The following APOBEC3D variants were observed in gnomAD, a reference collection of about 807,000 sequenced individuals.
APOBEC3D encodes the protein apolipoprotein B mRNA editing enzyme catalytic subunit 3D.
APOBEC3D carries 37 observed loss-of-function variants against 45.6 expected under a neutral mutation model. That is an observed-to-expected ratio of 0.81 (90% CI 0.62 to 1.07). APOBEC3D has a LOEUF of 1.07. APOBEC3D is among the 50% of genes least tolerant of loss of function. The probability of loss-of-function intolerance (pLI) is 0.00; values close to 1 mark genes in which losing one functional copy is unlikely to be tolerated. For missense variants in APOBEC3D, 496 were observed against 495.3 expected (o/e 1.00, Z -0.01); for synonymous variants, 175 against 180.7 (o/e 0.97, Z 0.25).
At chr22:39,029,253 C>T in intron 4 of APOBEC3D, 110 bp from the exon 5 acceptor site, 1 of 1,238,870 alleles carries the variant, frequency 8.1e-7, no homozygotes, top group South Asian at 1.4e-5. Context: ...ATTCCCAGGG[C>T]TGTGGAGGGA....
At chr22:39,029,252 G>A (rs1159701236) in intron 4 of APOBEC3D, 111 bp from the exon 5 acceptor site, 5 of 1,232,158 alleles carry the variant, frequency 4.1e-6, no homozygotes, top group East Asian at 2.3e-5. Flanking sequence ...CATTCCCAGG[G>A]CTGTGGAGGG....
intron 2 of APOBEC3D, among the ~76,000 whole-genome samples, chr22:39,024,286 G>A (rs530995786): frequency 5.3e-5 from 8 of 152,320 alleles, no homozygotes; most frequent in African/African-American, 1.4e-4. Context: ...CCCTTGGCCA[G>A]TGCCCCCCAA....
At chr22:39,028,524 C>T (rs1335326098) in intron 4 of APOBEC3D, among the ~76,000 whole-genome samples, 1 of 152,250 alleles carries the variant, frequency 6.6e-6, no homozygotes, top group Admixed American at 6.5e-5. Context: ...CCTGGACCGG[C>T]CGGGCTCAGT....
chr22:39,025,314 A>G lies in APOBEC3D; in HGVS notation c.455A>G (p.Lys152Arg). 6.2e-7 allele frequency: 1 copy of G among 1,614,128 alleles called. No homozygotes were observed. Residue 152 changes from lysine (K) to arginine (R), a missense_variant, in exon 3 of 7, where the codon AAG (lysine) becomes AGG (arginine). By Grantham distance (26) the Lys-to-Arg change is conservative. Transcript: ENST00000216099. ...DWRWVLLRLH[K>R]AGARVKIMDY... ...CGGTGGGTGCTCCTCAGGCTGCATA[A>G]GGCAGGGGCCCGTGTGAAGATCATG... is the stretch of plus-strand genomic sequence containing the variant.
At position 39,025,668 on chromosome 22, in the gene APOBEC3D, T is replaced by G. The variant is rs758212292; in HGVS notation, c.602T>G (p.Leu201Arg). 41 of 1,613,966 alleles carry G rather than the reference T, an allele frequency of 2.5e-5. No individual in the cohort carries two copies. In the Middle Eastern group the frequency reaches 3.1e-3, roughly 123 times the overall value. ...CTGCACCGCACGCTAAAGGAGATTCTCAGGTGAGGGTCTCCCTCTGGCCTC... is the reference window on the plus strand; with the variant it reads ...CTGCACCGCACGCTAAAGGAGATTCGCAGGTGAGGGTCTCCCTCTGGCCTC... ...ASLHRTLKEI[L>R]RNPMEAMYPH... is the part of the protein sequence containing the mutation. Residue 201 changes from leucine to arginine, a missense_variant, in exon 4 of 7, where the codon CTC (leucine) becomes CGC (arginine). Leu to Arg is a moderately radical substitution (Grantham distance 102). Transcript: ENST00000216099.
At chr22:39,026,964 G>A (rs1039049208) in intron 4 of APOBEC3D, among the ~76,000 whole-genome samples, 2 of 151,968 alleles carry the variant, frequency 1.3e-5, no homozygotes, top group African/African-American at 4.8e-5. Context: ...TTGGCCAGGT[G>A]TTGAGTAAGA....
chr22:39,026,476 A>C (rs903582037), intron 4 of APOBEC3D, among the ~76,000 whole-genome samples: 3 of 152,204 alleles, frequency 2.0e-5, no homozygotes, highest in African/African-American at 7.2e-5. Flanking sequence ...ATGTCAATGT[A>C]GGGAAGATAC....
chr22:39,028,071 A>G (rs117922059), intron 4 of APOBEC3D, among the ~76,000 whole-genome samples: 9,574 of 152,148 alleles, frequency 0.063, 603 homozygotes, highest in African/African-American at 0.17. Context: ...CAAAGTCTTA[A>G]GAGAGGGTGT....
Position 39,021,339 on chromosome 22 carries a change from C to T in APOBEC3D, c.-181C>T. 1 of 705,436 alleles carries T rather than the reference C, an allele frequency of 1.4e-6. No homozygotes were observed. The highest frequency in any genetic ancestry group is 2.5e-6 in the Non-Finnish European group (1 of 406,980). The allele number at this position is 705,436 out of a possible 1,614,324, so 43.7% of individuals were successfully genotyped here. On this transcript the variant is annotated 5_prime_UTR_variant, in exon 1 of 7. Transcript: ENST00000216099. ...GTCAGGCTGGTCTCGAACTCCTGAC[C>T]TCGTGATCCGCCCGCCTCGGCCTCC... is the stretch of plus-strand genomic sequence containing the variant.
chr22:39,026,344 G>T (rs1230017511), intron 4 of APOBEC3D, among the ~76,000 whole-genome samples: 1 of 152,166 alleles, frequency 6.6e-6, no homozygotes, highest in East Asian at 1.9e-4. Flanking sequence ...CCTTGTTTAT[G>T]GACCCCAGTC....
chr22:39,025,651 C>G lies in APOBEC3D; in HGVS notation c.585C>G (p.Arg195=), dbSNP rs760027760. 2.5e-6 allele frequency: 4 copies of G among 1,614,134 alleles called. No homozygotes were observed. The highest frequency in any genetic ancestry group is 3.4e-6 in the Non-Finnish European group (4 of 1,180,008). ...KFDDNYASLH[R]TLKEILRNPM... ...ATGACAATTATGCATCCCTGCACCG[C>G]ACGCTAAAGGAGATTCTCAGGTGAG... The change falls in exon 4 of 7, where the codon CGC becomes CGG. Residue 195 remains arginine, a synonymous_variant. Transcript: ENST00000216099.
Position 39,032,279 on chromosome 22 carries a change from G to C in APOBEC3D, c.1124G>C (p.Arg375Pro). The change falls in exon 7 of 7, where the codon CGA becomes CCA. Residue 375 changes from arginine to proline, a missense_variant. Coordinates refer to ENST00000216099, the MANE Select transcript of APOBEC3D (RefSeq NM_152426.4). The stretch of plus-strand genomic sequence containing the variant: ...TGGAAGGGACTACAAACCAACTTTC[G>C]ACTTCTGAAAAGAAGGCTACGGGAG... Reference protein sequence around the residue: ...KPWKGLQTNFRLLKRRLREIL... With the variant: ...KPWKGLQTNFPLLKRRLREIL... 2 of 1,614,116 alleles carry C rather than the reference G, an allele frequency of 1.2e-6. No individual in the cohort carries two copies. The highest frequency in any genetic ancestry group is 1.7e-6 in the Non-Finnish European group (2 of 1,180,020).
chr22:39,025,820 C>G (rs1925600649), intron 4 of APOBEC3D, 149 bp downstream of exon 4: 5 of 1,485,412 alleles, frequency 3.4e-6, no homozygotes, highest in Non-Finnish European at 4.5e-6. Context: ...TCCTCATGCT[C>G]CCTCCACCTT....
rs1279793873 is a variant in APOBEC3D, at chr22:39,025,215, T to C, written c.356T>C (p.Phe119Ser). The change falls in exon 3 of 7, where the codon TTC (phenylalanine) becomes TCC (serine). Residue 119 changes from phenylalanine to serine, a missense_variant. Transcript: ENST00000216099. ...CCCTGTGTGGTGAAGGTGACCAAAT[T>C]CTTGGCTGAGCACCCCAATGTCACC... The part of the protein sequence containing the change: ...CLPCVVKVTK[F>S]LAEHPNVTLT... 6.2e-7 allele frequency: 1 copy of C among 1,613,662 alleles called. No homozygotes were observed. Among genetic ancestry groups the C allele is most frequent in the East Asian group, 2.2e-5 (1 of 44,850 alleles).
chr22:39,029,340 G>A, intron 4 of APOBEC3D, 23 bp from the exon 5 acceptor site: 1 of 1,613,578 alleles, frequency 6.2e-7, no homozygotes, highest in Non-Finnish European at 8.5e-7. Flanking sequence ...CTCTGCACTG[G>A]GGTTTCTCTC....
In APOBEC3D at chr22:39,025,572, G is replaced by C. The variant is rs1375219763; in HGVS notation, c.506G>C (p.Trp169Ser). ...IMDYEDFAYC[W>S]ENFVCNEGQP... ...TTCATCTCAGACTTTGCATACTGCT[G>C]GGAAAACTTTGTGTGCAATGAAGGT... The change falls in exon 4 of 7, where the codon TGG becomes TCG. Residue 169 changes from tryptophan (W) to serine (S), a missense_variant. Coordinates refer to ENST00000216099, the MANE Select transcript of APOBEC3D (RefSeq NM_152426.4). 5 of 1,613,988 alleles carry C rather than the reference G, an allele frequency of 3.1e-6. No individual in the cohort carries two copies. In the Middle Eastern group the frequency reaches 4.9e-4, roughly 159 times the overall value.
intron 4 of APOBEC3D, among the ~76,000 whole-genome samples, chr22:39,028,021 A>G (rs190030487): frequency 6.6e-4 from 100 of 152,322 alleles, no homozygotes; most frequent in Non-Finnish European, 1.3e-4. Context: ...TATTCTCAGC[A>G]CTTTGGTGGA....
At chr22:39,027,923 G>T (rs1925840813) in intron 4 of APOBEC3D, among the ~76,000 whole-genome samples, 1 of 152,250 alleles carries the variant, frequency 6.6e-6, no homozygotes, top group Non-Finnish European at 1.5e-5. Flanking sequence ...CGCCTTGGGA[G>T]GGTGCTCCCT....
rs530795128 is a variant in APOBEC3D, at chr22:39,032,478, C to T, written c.*162C>T. 189 of 1,443,270 alleles carry T rather than the reference C, an allele frequency of 1.3e-4. 1 individual carries two copies. The South Asian group carries it at 2.4e-3, about 18-fold the overall frequency. 89.4% of individuals were successfully genotyped at this position (1,443,270 alleles called of 1,614,324 possible). Reference sequence around the variant, plus strand: ...GCCCCCCTGCCTCACCACCTCCTCCCCGCTCTCCCAGGCTCTTCTTGTAGA... The same window carrying T: ...GCCCCCCTGCCTCACCACCTCCTCCTCGCTCTCCCAGGCTCTTCTTGTAGA... On this transcript the variant is annotated 3_prime_UTR_variant, in exon 7 of 7. Transcript: ENST00000216099.
Sources: gnomAD v4.1 joint callset for allele counts (sites outside exome capture counted in the v4.1 genomes callset) on GRCh38, gnomAD v4.1.1 for gene constraint, MANE v1.5 for transcripts, NCBI Gene and HGNC (gene_info 2026-07-23, HGNC 2026-07-21) for gene names.